Variants in CCDC171 observed in about 807,000 individuals in gnomAD.
The protein encoded by CCDC171 is coiled-coil domain-containing protein 171.
Under a neutral mutation model 168.2 loss-of-function variants are expected in CCDC171, and 177 were observed. The observed-to-expected ratio is 1.05, with a 90% CI of 0.93 to 1.19. The LOEUF (loss-of-function observed/expected upper bound fraction) is 1.19, where lower values mean the gene tolerates loss of function less well. Ranked by LOEUF, CCDC171 falls within the 50% of genes most tolerant of loss-of-function variation. The pLI, the probability that CCDC171 is intolerant of heterozygous loss-of-function variation, is 0.00. For synonymous variants in CCDC171, 687 were observed against 540.8 expected, an observed-to-expected ratio of 1.27 and a Z score of -3.75; for missense variants, 1,991 against 1,539.0, an observed-to-expected ratio of 1.29 and a Z score of -4.91.
Position 15,889,737 on chromosome 9 carries a change from C to T in CCDC171, c.3600+15074C>T. ...ATGAAATGCCTTGACACATAACTTA[C>T]TTATCTTTTCTTACTCAACATTCTA... On this transcript the variant is annotated intron_variant, in intron 24 of 25. Coordinates refer to ENST00000380701, the MANE Select transcript of CCDC171 (RefSeq NM_173550.4). Among the ~76,000 whole-genome samples, 3 of 152,296 alleles carry T rather than the reference C, an allele frequency of 2.0e-5. No individual in the cohort carries two copies. In the South Asian group the frequency reaches 6.2e-4, roughly 32 times the overall value.
chr9:15,687,933 A>G (rs573527043), intron 10 of CCDC171, among the ~76,000 whole-genome samples: 29 of 152,252 alleles, frequency 1.9e-4, no homozygotes, highest in East Asian at 3.9e-4. Context: ...AGCCTGGCCA[A>G]CGTAGCGAAA....
rs542396299 is a variant in CCDC171 at position 15,903,496 on chromosome 9, A to G, written c.3601-16774A>G. 1.8e-3 allele frequency among the ~76,000 whole-genome samples: 276 copies of G among 149,294 alleles called. 2 individuals are homozygous for G. Among genetic ancestry groups the G allele is most frequent in the African/African-American group, 6.4e-3 (263 of 40,832 alleles). On this transcript the variant is annotated intron_variant, in intron 24 of 25. Coordinates refer to ENST00000380701, the MANE Select transcript of CCDC171 (RefSeq NM_173550.4). The stretch of plus-strand genomic sequence containing the variant: ...CCTGACTGTTAGAAGGAAAACTAAC[A>G]GAAAGGACATCCACACCAAAACCCC...
chr9:15,601,223 C>T (rs187577320), intron 6 of CCDC171, among the ~76,000 whole-genome samples: 17 of 152,324 alleles, frequency 1.1e-4, no homozygotes, highest in East Asian at 5.8e-4. Context: ...TCTTTTGCAT[C>T]GCTCTTGCTG....
At chr9:15,648,997 A>G (rs1387847826) in intron 7 of CCDC171, among the ~76,000 whole-genome samples, 1 of 152,210 alleles carries the variant, frequency 6.6e-6, no homozygotes, top group African/African-American at 2.4e-5. Flanking sequence ...ACTTCAAACT[A>G]TACTACAAGG....
At chr9:15,623,475 G>GCGCGCGCGCGCGCA in intron 7 of CCDC171, 62 bp downstream of exon 7, 40 of 315,458 alleles carry the variant, frequency 1.3e-4, no homozygotes, top group Middle Eastern at 8.7e-4. Context: ...GCGCGCGCGC[G>GCGCGCGCGCGCGCA]CACACACACA....
intron 7 of CCDC171, among the ~76,000 whole-genome samples, chr9:15,640,089 C>A (rs1198814161): frequency 3.9e-5 from 6 of 152,116 alleles, no homozygotes; most frequent in African/African-American, 1.4e-4. Context: ...AAATAAGTAT[C>A]AATGAGATCA....
chr9:15,709,232 A>T (rs1227492663), intron 11 of CCDC171, among the ~76,000 whole-genome samples: 3 of 152,336 alleles, frequency 2.0e-5, no homozygotes, highest in Non-Finnish European at 2.9e-5. Flanking sequence ...ACCCAGTAAG[A>T]TTAACAGGTA....
At chr9:15,823,733 A>G (rs1309308979) in intron 21 of CCDC171, among the ~76,000 whole-genome samples, 2 of 152,088 alleles carry the variant, frequency 1.3e-5, no homozygotes, top group African/African-American at 2.4e-5. Context: ...ACTGTTGAAA[A>G]TTCTAATTTT....
intron 9 of CCDC171, among the ~76,000 whole-genome samples, chr9:15,667,106 C>T: frequency 6.6e-6 from 1 of 152,056 alleles, no homozygotes; most frequent in South Asian, 2.1e-4. Context: ...AGTTTAAAAG[C>T]CTTTCATCTT....
intron 18 of CCDC171, among the ~76,000 whole-genome samples, chr9:15,756,036 C>G (rs1458162755): frequency 6.6e-6 from 1 of 152,120 alleles, no homozygotes; most frequent in Non-Finnish European, 1.5e-5. Context: ...AAGGCAAAAG[C>G]TTTCCCATAA....
intron 25 of CCDC171, among the ~76,000 whole-genome samples, chr9:15,940,264 C>G (rs976338976): frequency 6.6e-6 from 1 of 151,872 alleles, no homozygotes; most frequent in Non-Finnish European, 1.5e-5. Context: ...TAGTAATATA[C>G]TGAAGCATGG....
chr9:15,652,221 G>C (rs1347105452), intron 7 of CCDC171, among the ~76,000 whole-genome samples: 9 of 152,158 alleles, frequency 5.9e-5, no homozygotes. Flanking sequence ...TATATGATAT[G>C]AGGTATGGGA....
intron 3 of CCDC171, among the ~76,000 whole-genome samples, chr9:15,988,298 C>T (rs954427936): frequency 3.3e-5 from 5 of 152,168 alleles, no homozygotes; most frequent in Admixed American, 6.5e-5. Flanking sequence ...GAAGAAACAT[C>T]AGAAACCCTT....
At chr9:16,033,426 C>T (rs759146448) in intron 6 of CCDC171, among the ~76,000 whole-genome samples, 1 of 152,148 alleles carries the variant, frequency 6.6e-6, no homozygotes, top group African/African-American at 2.4e-5. Flanking sequence ...CTCATAGGAG[C>T]GCAAGCCCTG....
chr9:15,776,003 C>G lies in CCDC171; in HGVS notation c.2672-1597C>G, dbSNP rs58301911. Among the ~76,000 whole-genome samples, 1,176 of 152,178 alleles carry G rather than the reference C, an allele frequency of 7.7e-3. 10 individuals are homozygous for G. The highest frequency in any genetic ancestry group is 0.027 in the African/African-American group (1,117 of 41,522). ...GAAATGATAAATTGAATATTATAGACAAAATAAATTTTACTGTTCTTTCAT... is the reference window on the plus strand; with the variant it reads ...GAAATGATAAATTGAATATTATAGAGAAAATAAATTTTACTGTTCTTTCAT... On this transcript the variant is annotated intron_variant, in intron 18 of 25. Coordinates refer to ENST00000380701, the MANE Select transcript of CCDC171 (RefSeq NM_173550.4).
intron 4 of CCDC171, among the ~76,000 whole-genome samples, chr9:15,579,889 A>C (rs1051939161): frequency 6.6e-6 from 1 of 152,144 alleles, no homozygotes; most frequent in Non-Finnish European, 1.5e-5. Context: ...GTAGTGTCCA[A>C]TTTTTGATTA....
At chr9:15,902,445 T>G (rs1221005433) in intron 24 of CCDC171, among the ~76,000 whole-genome samples, 1 of 152,186 alleles carries the variant, frequency 6.6e-6, no homozygotes, top group African/African-American at 2.4e-5. Flanking sequence ...AAATTTAAAT[T>G]ACAACTTTTG....
At chr9:15,713,550 A>T (rs1168705150) in intron 11 of CCDC171, among the ~76,000 whole-genome samples, 5 of 152,078 alleles carry the variant, frequency 3.3e-5, no homozygotes, top group African/African-American at 1.2e-4. Flanking sequence ...CCGTTTCATG[A>T]TGGGCACCCT....
intron 21 of CCDC171, among the ~76,000 whole-genome samples, chr9:15,829,505 T>C (rs2153727): frequency 0.44 from 67,336 of 152,000 alleles, 15,121 homozygotes; most frequent in African/African-American, 0.47. Flanking sequence ...AGTTAGTAAT[T>C]TTTGTGTCTA....
Sources: allele counts gnomAD v4.1 joint callset (sites outside exome capture counted in the v4.1 genomes callset), GRCh38; gene constraint gnomAD v4.1.1; transcripts MANE v1.5; gene names NCBI Gene and HGNC (gene_info 2026-07-23, HGNC 2026-07-21).